The following TTLL2 variants were observed in gnomAD, a reference collection of about 807,000 sequenced individuals.
TTLL2 encodes probable tubulin polyglutamylase TTLL2.
TTLL2 carries 10 observed loss-of-function variants against 7.5 expected under a neutral mutation model. The observed-to-expected ratio is 1.33, with a 90% CI of 0.82 to 2.25. TTLL2 has a LOEUF of 2.25. TTLL2 is among the 30% of genes most tolerant of loss of function. The pLI, the probability that TTLL2 is intolerant of heterozygous loss-of-function variation, is 0.00. For synonymous variants in TTLL2, 284 were observed against 280.3 expected, an observed-to-expected ratio of 1.01 and a Z score of -0.13; for missense variants, 733 against 735.7, an observed-to-expected ratio of 1.00 and a Z score of 0.04.
At chr6:167,332,566 C>T (rs1257328462) in intron 1 of TTLL2, among the ~76,000 whole-genome samples, 2 of 150,158 alleles carry the variant, frequency 1.3e-5, no homozygotes, top group African/African-American at 4.9e-5. Context: ...ATTCTTCCTA[C>T]CCATGAGCAT....
At chr6:167,325,350 A>G (rs58672528) in intron 1 of TTLL2, 130 bp downstream of exon 1, 24,746 of 872,480 alleles carry the variant, frequency 0.028, 2,611 homozygotes, top group African/African-American at 0.27. Context: ...GGGACCCCCG[A>G]GGGGCAATTT....
intron 1 of TTLL2, among the ~76,000 whole-genome samples, chr6:167,337,856 ACAC>A (rs1319135217): frequency 2.6e-5 from 4 of 151,886 alleles, no homozygotes; most frequent in Admixed American, 2.6e-4. Context: ...CGCACCACAC[ACAC>A]AACACAAAAT....
chr6:167,332,195 G>A (rs999033912), intron 1 of TTLL2, among the ~76,000 whole-genome samples: 3 of 152,118 alleles, frequency 2.0e-5, no homozygotes, highest in African/African-American at 7.2e-5. Context: ...AGTGAGGCAC[G>A]GAAAATGGAA....
At chr6:167,325,990 T>A (rs543019692) in intron 1 of TTLL2, among the ~76,000 whole-genome samples, 1 of 152,156 alleles carries the variant, frequency 6.6e-6, no homozygotes, top group African/African-American at 2.4e-5. Flanking sequence ...CCTGCCGGCC[T>A]GTAGCCTCCA....
At chr6:167,334,500 G>C in intron 1 of TTLL2, among the ~76,000 whole-genome samples, 1 of 152,020 alleles carries the variant, frequency 6.6e-6, no homozygotes, top group East Asian at 1.9e-4. Flanking sequence ...GGGTATCCTT[G>C]TTGACTTTCA....
At chr6:167,332,542 T>C (rs1161479901) in intron 1 of TTLL2, among the ~76,000 whole-genome samples, 1 of 151,476 alleles carries the variant, frequency 6.6e-6, no homozygotes, top group Non-Finnish European at 1.5e-5. Flanking sequence ...AGTATGGCCA[T>C]TTTCACGATA....
chr6:167,328,289 C>T, intron 1 of TTLL2: 1 of 344,608 alleles, frequency 2.9e-6, no homozygotes, highest in South Asian at 2.3e-5. Flanking sequence ...TCAGTGGGCC[C>T]TCATCTAGAG....
At chr6:167,336,820 T>A (rs1583111188) in intron 1 of TTLL2, among the ~76,000 whole-genome samples, 1 of 152,212 alleles carries the variant, frequency 6.6e-6, no homozygotes, top group Non-Finnish European at 1.5e-5. Flanking sequence ...TGACGGAACA[T>A]CCTCAGTCAG....
At position 167,341,448 on chromosome 6, in the gene TTLL2, G is replaced by C. The variant is rs773254686; in HGVS notation, c.1548G>C (p.Thr516=). 3 of 1,613,998 alleles carry C rather than the reference G, an allele frequency of 1.9e-6. No homozygotes were observed. The East Asian group carries it at 6.7e-5, about 36-fold the overall frequency. Residue 516 remains threonine (T), a synonymous_variant, in exon 3 of 3, where the codon ACG becomes ACC. Transcript: ENST00000239587. Reference sequence around the variant, plus strand: ...AGCCCAAGTTACGGAGCAGGCACACGCCTCACAAGACACTCATGCCCTACG... The same window carrying C: ...AGCCCAAGTTACGGAGCAGGCACACCCCTCACAAGACACTCATGCCCTACG... ...QSKPKLRSRH[T]PHKTLMPYAS... is the part of the protein sequence containing the mutation.
At chr6:167,328,202 G>C in intron 1 of TTLL2, 1 of 448,568 alleles carries the variant, frequency 2.2e-6, no homozygotes, top group Non-Finnish European at 4.5e-6. Flanking sequence ...ACTAGGAGCT[G>C]TCGGCTAAGG....
chr6:167,328,542 G>A (rs1778875950), intron 1 of TTLL2, among the ~76,000 whole-genome samples: 1 of 152,216 alleles, frequency 6.6e-6, no homozygotes, highest in Admixed American at 6.5e-5. Flanking sequence ...GCTTCAAAGT[G>A]TCTGTCTGTT....
chr6:167,332,733 C>T (rs1362815344), intron 1 of TTLL2, among the ~76,000 whole-genome samples: 47 of 110,818 alleles, frequency 4.2e-4, no homozygotes, highest in South Asian at 6.9e-4. Flanking sequence ...CATGATTTGG[C>T]TCTCTGTTTG....
At chr6:167,330,282 G>T (rs532749405) in intron 1 of TTLL2, among the ~76,000 whole-genome samples, 2 of 152,298 alleles carry the variant, frequency 1.3e-5, no homozygotes, top group Admixed American at 1.3e-4. Context: ...TACTGGCCAG[G>T]TGCAGTGGCT....
At chr6:167,335,402 A>T (rs1407770103) in intron 1 of TTLL2, among the ~76,000 whole-genome samples, 6 of 150,174 alleles carry the variant, frequency 4.0e-5, no homozygotes, top group Non-Finnish European at 7.4e-5. Flanking sequence ...CCATTGTGGA[A>T]GTCAGTGTGG....
chr6:167,340,315 A>G lies in TTLL2; in HGVS notation c.415A>G (p.Lys139Glu), dbSNP rs1779061769. ...SFRMTEHNSVKPWQQLNHHPG... is the reference protein window; with the variant it reads ...SFRMTEHNSVEPWQQLNHHPG... ...CCGAATGACCGAACACAACAGTGTT[A>G]AACCGTGGCAGCAGCTAAACCACCA... Residue 139 changes from lysine (K) to glutamate (E), a missense_variant, in exon 3 of 3, where the codon AAA (lysine) becomes GAA (glutamate). Lys to Glu is a moderately conservative substitution (Grantham distance 56). Coordinates refer to ENST00000239587, the MANE Select transcript of TTLL2 (RefSeq NM_031949.5). 6.2e-7 allele frequency: 1 copy of G among 1,611,978 alleles called. No individual in the cohort carries two copies. The highest frequency in any genetic ancestry group is 8.5e-7 in the Non-Finnish European group (1 of 1,180,016).
At chr6:167,336,031 T>G (rs1778980322) in intron 1 of TTLL2, among the ~76,000 whole-genome samples, 1 of 152,016 alleles carries the variant, frequency 6.6e-6, no homozygotes, top group Admixed American at 6.5e-5. Flanking sequence ...GAGACCACAT[T>G]TCCTGTATCC....
At chr6:167,339,162 T>A (rs1254600343) in intron 2 of TTLL2, among the ~76,000 whole-genome samples, 1 of 152,026 alleles carries the variant, frequency 6.6e-6, no homozygotes, top group African/African-American at 2.4e-5. Flanking sequence ...CTACAGAATT[T>A]CCACCAAGTA....
At position 167,340,335 on chromosome 6, in the gene TTLL2, C is replaced by T; in HGVS notation, c.435C>T (p.Asn145=). 1 of 1,614,160 alleles carries T rather than the reference C, an allele frequency of 6.2e-7. No homozygotes were observed. The highest frequency in any genetic ancestry group is 8.5e-7 in the Non-Finnish European group (1 of 1,180,040). ...GTGTTAAACCGTGGCAGCAGCTAAA[C>T]CACCACCCTGGAACCACCAAGCTTA... ...HNSVKPWQQL[N]HHPGTTKLTR... is the part of the protein sequence containing the mutation. The change falls in exon 3 of 3, where the codon AAC becomes AAT. Residue 145 remains asparagine (N), a synonymous_variant. Transcript: ENST00000239587.
In TTLL2 at chr6:167,325,180, G is replaced by A. The variant is rs12526094; in HGVS notation, c.7G>A (p.Gly3Arg). The A allele has an allele frequency of 0.016, 24,807 of 1,579,196 alleles. 1,530 individuals carry two copies. Among genetic ancestry groups the A allele is most frequent in the African/African-American group, 0.15 (10,791 of 73,872 alleles). The change falls in exon 1 of 3, where the codon GGG becomes AGG. Residue 3 changes from glycine to arginine, a missense_variant. Gly to Arg is a moderately radical substitution (Grantham distance 125). Coordinates refer to ENST00000239587, the MANE Select transcript of TTLL2 (RefSeq NM_031949.5). MR[G>R]RDLCSSTQSQ... ...CCCTCGGAACCAGCGCCCAATGAGA[G>A]GGCGGGACCTGTGTTCCTCCACACA...
Sources: gnomAD v4.1 joint callset for allele counts (sites outside exome capture counted in the v4.1 genomes callset) on GRCh38, gnomAD v4.1.1 for gene constraint, MANE v1.5 for transcripts, NCBI Gene and HGNC (gene_info 2026-07-23, HGNC 2026-07-21) for gene names.